Variants in DOC2B observed in about 807,000 individuals in gnomAD.
The protein encoded by DOC2B is double C2-like domain-containing protein beta.
DOC2B carries 21 observed loss-of-function variants against 28.9 expected under a neutral mutation model. The ratio of observed to expected loss-of-function variants is 0.73; its 90% CI spans 0.52 to 1.05. The LOEUF (loss-of-function observed/expected upper bound fraction) is 1.05, where lower values mean the gene tolerates loss of function less well. Ranked by LOEUF, DOC2B falls within the 50% of genes least tolerant of loss-of-function variation. The probability of loss-of-function intolerance (pLI) is 0.00; values close to 1 mark genes in which losing one functional copy is unlikely to be tolerated. For synonymous variants in DOC2B, 194 were observed against 178.1 expected (o/e 1.09, Z -0.71); for missense variants, 384 against 421.1 (o/e 0.91, Z 0.77).
At chr17:166,205 G>A (rs1555523883) in intron 2 of DOC2B, among the ~76,000 whole-genome samples, 1 of 152,236 alleles carries the variant, frequency 6.6e-6, no homozygotes, top group Admixed American at 6.5e-5. Flanking sequence ...GGACCAGCAG[G>A]CACTGCCTGA....
chr17:173,433 C>T (rs900841692), intron 1 of DOC2B, among the ~76,000 whole-genome samples: 11 of 152,134 alleles, frequency 7.2e-5, no homozygotes, highest in Admixed American at 5.9e-4. Flanking sequence ...TCACAGATGG[C>T]TTCAGAAGCC....
Position 147,589 on chromosome 17 carries a change from C to T in DOC2B, c.1103-12G>A, listed in dbSNP as rs1347883477. On this transcript the variant is annotated splice_polypyrimidine_tract_variant and intron_variant, in intron 8 of 8. Transcript: ENST00000613549. ...CAGAACCACACCACCTGCAGGAGGACAGGAGGGGCAGCTGGGGCACAGGGA... is the reference window on the plus strand; with the variant it reads ...CAGAACCACACCACCTGCAGGAGGATAGGAGGGGCAGCTGGGGCACAGGGA... The T allele has an allele frequency of 7.5e-6, 3 of 398,760 alleles. No homozygotes were observed. The highest frequency in any genetic ancestry group is 3.6e-5 in the East Asian group (1 of 28,086). The allele number at this position is 398,760 out of a possible 1,614,324, so 24.7% of individuals were successfully genotyped here. A position where few individuals can be genotyped will look rare whatever the true frequency, so the allele number is the denominator to read the frequency against.
chr17:154,142 C>T (rs1490929110), intron 6 of DOC2B, among the ~76,000 whole-genome samples: 3 of 151,328 alleles, frequency 2.0e-5, no homozygotes, highest in East Asian at 2.0e-4. Context: ...GCTGATATTC[C>T]ACGCACCTGC....
At chr17:174,953 A>C (rs1228945836) in intron 1 of DOC2B, among the ~76,000 whole-genome samples, 4 of 152,190 alleles carry the variant, frequency 2.6e-5, no homozygotes, top group African/African-American at 9.6e-5. Context: ...AAAAACTACA[A>C]AAATGGCCGG....
chr17:155,627 C>T (rs1469233542), intron 6 of DOC2B, among the ~76,000 whole-genome samples: 8 of 152,280 alleles, frequency 5.3e-5, no homozygotes, highest in Middle Eastern at 3.4e-3. Context: ...TCCAAAGGGT[C>T]GCCAGCTCCT....
At chr17:165,346 G>T (rs1345208852) in intron 2 of DOC2B, among the ~76,000 whole-genome samples, 1 of 151,340 alleles carries the variant, frequency 6.6e-6, no homozygotes, top group Non-Finnish European at 1.5e-5. Context: ...GCTGGGTGGG[G>T]TGGCATGTGC....
At position 156,165 on chromosome 17, in the gene DOC2B, C is replaced by A. The variant is rs930537452; in HGVS notation, c.923+55G>T. 7 of 1,493,144 alleles carry A rather than the reference C, an allele frequency of 4.7e-6. No homozygotes were observed. In the East Asian group the frequency reaches 1.0e-4, roughly 22 times the overall value. The allele number at this position is 1,493,144 out of a possible 1,614,324, so 92.5% of individuals were successfully genotyped here. On this transcript the variant is annotated intron_variant, in intron 6 of 8. Coordinates refer to ENST00000613549, the MANE Select transcript of DOC2B (RefSeq NM_003585.5). The stretch of plus-strand genomic sequence containing the variant: ...TGGGACCACGGAGCCGGCACACGGA[C>A]CCCCGTCCTTGGAGGTGAAGACGTG...
At position 159,772 on chromosome 17, in the gene DOC2B, C is replaced by G. The variant is rs547035455; in HGVS notation, c.765+1643G>C. Among the ~76,000 whole-genome samples the G allele has an allele frequency of 5.3e-5, 8 of 152,280 alleles. No individual in the cohort carries two copies. In the South Asian group the frequency reaches 1.7e-3, roughly 32 times the overall value. Reference sequence around the variant, plus strand: ...GCAACGCCCTGATCATGGCCACGCACAGGGACGCACATGCTTTCACGAACG... The same window carrying G: ...GCAACGCCCTGATCATGGCCACGCAGAGGGACGCACATGCTTTCACGAACG... On this transcript the variant is annotated intron_variant, in intron 5 of 8. Transcript: ENST00000613549.
intron 6 of DOC2B, among the ~76,000 whole-genome samples, chr17:154,576 C>T (rs2040111928): frequency 6.6e-6 from 1 of 152,168 alleles, no homozygotes; most frequent in Non-Finnish European, 1.5e-5. Flanking sequence ...TATGAACATT[C>T]CTGCACAAGT....
At chr17:154,447 G>A (rs1273089877) in intron 6 of DOC2B, among the ~76,000 whole-genome samples, 1 of 152,188 alleles carries the variant, frequency 6.6e-6, no homozygotes, top group Non-Finnish European at 1.5e-5. Context: ...CCACGCACCT[G>A]CTACACTCCT....
At chr17:150,009 C>A (rs1365728338) in intron 6 of DOC2B, among the ~76,000 whole-genome samples, 1 of 152,196 alleles carries the variant, frequency 6.6e-6, no homozygotes, top group Admixed American at 6.5e-5. Context: ...CTTCCCTCCA[C>A]AGCCACTAAG....
At chr17:153,501 A>G (rs1344459168) in intron 6 of DOC2B, among the ~76,000 whole-genome samples, 1 of 152,144 alleles carries the variant, frequency 6.6e-6, no homozygotes, top group African/African-American at 2.4e-5. Flanking sequence ...TCAGGAGTTC[A>G]AGACCAGCCT....
At chr17:163,154 A>G (rs989159276) in intron 3 of DOC2B, among the ~76,000 whole-genome samples, 1 of 152,042 alleles carries the variant, frequency 6.6e-6, no homozygotes, top group Admixed American at 6.5e-5. Context: ...ACTTCCTACA[A>G]CTCGGCAGCC....
At chr17:180,242 G>T (rs74468131) in intron 1 of DOC2B, among the ~76,000 whole-genome samples, 8 of 152,228 alleles carry the variant, frequency 5.3e-5, no homozygotes, top group African/African-American at 1.4e-4. Flanking sequence ...GACCTCTTCC[G>T]GCCTCGGTTT....
rs568687375 is a variant in DOC2B, at chr17:172,620, C to T, written c.374-4G>A. The T allele has an allele frequency of 5.8e-4, 894 of 1,549,234 alleles. 2 individuals carry two copies. The highest frequency in any genetic ancestry group is 7.1e-4 in the Non-Finnish European group (810 of 1,145,640). On this transcript the variant is annotated splice_region_variant and splice_polypyrimidine_tract_variant and intron_variant, in intron 1 of 8. Transcript: ENST00000613549. ...AAGTCCAGCGTGCCCAGGGCAGCTGCGGACAGAGGAGGGCACAGGTCCCAC... is the reference window on the plus strand; with the variant it reads ...AAGTCCAGCGTGCCCAGGGCAGCTGTGGACAGAGGAGGGCACAGGTCCCAC...
intron 8 of DOC2B, 35 bp from the exon 9 acceptor site, chr17:147,612 G>A (rs944554377): frequency 5.0e-6 from 2 of 398,848 alleles, no homozygotes; most frequent in African/African-American, 2.1e-5. Flanking sequence ...TGGGGCACAG[G>A]GACCCCCAAC....
At chr17:176,796 C>T (rs1033366727) in intron 1 of DOC2B, among the ~76,000 whole-genome samples, 7 of 152,234 alleles carry the variant, frequency 4.6e-5, no homozygotes, top group Non-Finnish European at 8.8e-5. Flanking sequence ...TTTACATCTT[C>T]GGAAAAATAA....
At chr17:177,323 C>A (rs1358361207) in intron 1 of DOC2B, among the ~76,000 whole-genome samples, 1 of 152,186 alleles carries the variant, frequency 6.6e-6, no homozygotes, top group African/African-American at 2.4e-5. Context: ...AGTTCAACCT[C>A]CTTGGTGTGG....
chr17:173,896 C>T (rs750924135), intron 1 of DOC2B, among the ~76,000 whole-genome samples: 5 of 152,200 alleles, frequency 3.3e-5, no homozygotes, highest in Admixed American at 6.5e-5. Flanking sequence ...GATCCAATTA[C>T]GGCCACACCT....
Sources: gnomAD v4.1 joint callset for allele counts (sites outside exome capture counted in the v4.1 genomes callset) on GRCh38, gnomAD v4.1.1 for gene constraint, MANE v1.5 for transcripts, NCBI Gene and HGNC (gene_info 2026-07-23, HGNC 2026-07-21) for gene names.